Variants in LRPPRC observed in about 807,000 individuals in gnomAD.
LRPPRC encodes the protein leucine-rich PPR motif-containing protein, mitochondrial.
Under a neutral mutation model 180.3 loss-of-function variants are expected in LRPPRC, and 120 were observed. The ratio of observed to expected loss-of-function variants is 0.67; its 90% CI spans 0.57 to 0.77. LRPPRC has a LOEUF of 0.77. Ranked by LOEUF, LRPPRC falls within the 30% of genes least tolerant of loss-of-function variation. The pLI is 0.00. For missense variants in LRPPRC, 2,012 were observed against 1,657.2 expected (o/e 1.21, Z -3.72); for synonymous variants, 723 against 600.0 (o/e 1.21, Z -3.00).
At chr2:43,956,153 C>T (rs1673104860) in intron 14 of LRPPRC, among the ~76,000 whole-genome samples, 1 of 149,246 alleles carries the variant, frequency 6.7e-6, no homozygotes. Flanking sequence ...AAAACAAAAA[C>T]CAGTGTTATT....
At position 43,912,556 on chromosome 2, in the gene LRPPRC, C is replaced by T; in HGVS notation, c.3151G>A (p.Ala1051Thr). The change falls in exon 30 of 38, where the codon GCA (alanine) becomes ACA (threonine). Residue 1051 changes from alanine to threonine, a missense_variant and splice_region_variant. Physicochemically the swap from Ala to Thr is moderately conservative, Grantham distance 58. Coordinates refer to ENST00000260665, the MANE Select transcript of LRPPRC (RefSeq NM_133259.4). ...IACRLNQKKGAYDIFLNAKEQ... is the reference protein window; with the variant it reads ...IACRLNQKKGTYDIFLNAKEQ... ...TTTGCATTCAGGAAAATATCATATG[C>T]CCCTATGAGAGAAAACAGACAAAAA... 1 of 1,608,336 alleles carries T rather than the reference C, an allele frequency of 6.2e-7. No individual in the cohort carries two copies.
At chr2:43,918,531 A>G in intron 27 of LRPPRC, 133 bp from the exon 28 acceptor site, 1 of 742,886 alleles carries the variant, frequency 1.3e-6, no homozygotes, top group Non-Finnish European at 2.3e-6. Context: ...AAAGGAACCA[A>G]AAGTGACCGT....
At chr2:43,927,597 C>A (rs1275280763) in intron 25 of LRPPRC, among the ~76,000 whole-genome samples, 1 of 152,160 alleles carries the variant, frequency 6.6e-6, no homozygotes, top group Admixed American at 6.6e-5. Context: ...ACTAAAAGCC[C>A]TTGAAAAACT....
chr2:43,899,249 G>A lies in LRPPRC; in HGVS notation c.3795C>T (p.Gly1265=), dbSNP rs755185722. ...TDFFLQLVDA[G]KVDDARALLQ... is the part of the protein sequence containing the mutation. ...GGAGAGCTCTGGCATCATCCACCTT[G>A]CCTGCATCCACAAGTTGAAGGAAAA... Residue 1265 remains glycine (G), a synonymous_variant, in exon 34 of 38, where the codon GGC becomes GGT. Coordinates refer to ENST00000260665, the MANE Select transcript of LRPPRC (RefSeq NM_133259.4). The A allele has an allele frequency of 3.1e-6, 5 of 1,613,792 alleles. No homozygotes were observed. Among genetic ancestry groups the A allele is most frequent in the Non-Finnish European group, 4.2e-6 (5 of 1,179,872 alleles).
chr2:43,995,996 A>T (rs562310000), upstream of LRPPRC: 4 of 1,517,792 alleles, frequency 2.6e-6, 1 homozygote, highest in South Asian at 3.6e-5. Context: ...GAAGGACAGG[A>T]GGAGCATGTG....
intron 26 of LRPPRC, among the ~76,000 whole-genome samples, chr2:43,925,491 C>A (rs190039449): frequency 6.6e-6 from 1 of 151,976 alleles, no homozygotes; most frequent in Non-Finnish European, 1.5e-5. Context: ...AAATACTTCC[C>A]CCTCCAAACT....
rs764336993 is a variant in LRPPRC at position 43,948,107 on chromosome 2, C to T, written c.1920+15G>A. 4.7e-6 allele frequency: 7 copies of T among 1,489,308 alleles called. No individual in the cohort carries two copies. Among genetic ancestry groups the T allele is most frequent in the Non-Finnish European group, 5.6e-6 (6 of 1,067,368 alleles). The allele number at this position is 1,489,308 out of a possible 1,614,324, so 92.3% of individuals were successfully genotyped here. Reference sequence around the variant, plus strand: ...GTTAAGCATTTTATCCAGTTGATTGCTATTTCACACACACCTTAATCAATT... The same window carrying T: ...GTTAAGCATTTTATCCAGTTGATTGTTATTTCACACACACCTTAATCAATT... On this transcript the variant is annotated intron_variant, in intron 18 of 37. Coordinates refer to ENST00000260665, the MANE Select transcript of LRPPRC (RefSeq NM_133259.4).
intron 32 of LRPPRC, among the ~76,000 whole-genome samples, chr2:43,900,355 T>C (rs374323955): frequency 3.8e-4 from 58 of 152,272 alleles, no homozygotes; most frequent in African/African-American, 1.1e-3. Context: ...GTCAATATTG[T>C]GTTGAAATTA....
At chr2:43,966,467 A>C (rs1673564366) in intron 11 of LRPPRC, among the ~76,000 whole-genome samples, 1 of 151,518 alleles carries the variant, frequency 6.6e-6, no homozygotes, top group East Asian at 2.0e-4. Context: ...CTGGAGTGCA[A>C]TGGTGCGATC....
intron 25 of LRPPRC, among the ~76,000 whole-genome samples, chr2:43,928,760 T>C (rs963699324): frequency 2.0e-5 from 3 of 151,590 alleles, no homozygotes; most frequent in Admixed American, 2.0e-4. Context: ...TGACCCCATC[T>C]CTTAAAAAAA....
chr2:43,949,822 T>C (rs1195850415), intron 15 of LRPPRC, among the ~76,000 whole-genome samples, 163 bp from the exon 16 acceptor site: 1 of 152,196 alleles, frequency 6.6e-6, no homozygotes, highest in Non-Finnish European at 1.5e-5. Flanking sequence ...ATTGTTTTGT[T>C]TTTAAATAAT....
intron 11 of LRPPRC, 88 bp downstream of exon 11, chr2:43,973,519 C>G (rs1030078827): frequency 2.4e-6 from 2 of 844,708 alleles, no homozygotes; most frequent in East Asian, 2.4e-5. Flanking sequence ...AATAAGTATG[C>G]TTTTCCAAAG....
At chr2:43,948,073 T>G in intron 18 of LRPPRC, 49 bp downstream of exon 18, 1 of 1,197,822 alleles carries the variant, frequency 8.3e-7, no homozygotes, top group Admixed American at 1.7e-5. Context: ...AACATGCTGT[T>G]ATATGTAAGT....
At chr2:43,945,026 C>A (rs1222327979) in intron 22 of LRPPRC, among the ~76,000 whole-genome samples, 1 of 152,076 alleles carries the variant, frequency 6.6e-6, no homozygotes, top group Non-Finnish European at 1.5e-5. Context: ...GCCATTAGTG[C>A]AGGCACATAA....
At chr2:43,936,820 G>A (rs957030900) in intron 23 of LRPPRC, among the ~76,000 whole-genome samples, 19 of 152,182 alleles carry the variant, frequency 1.2e-4, no homozygotes, top group African/African-American at 4.1e-4. Context: ...ACTGCAAGTA[G>A]ATGTTGCAGG....
Position 43,901,531 on chromosome 2 carries a change from T to C in LRPPRC, c.3365-7A>G, listed in dbSNP as rs2104993537. 1 of 1,595,038 alleles carries C rather than the reference T, an allele frequency of 6.3e-7. No individual in the cohort carries two copies. The highest frequency in any genetic ancestry group is 8.6e-7 in the Non-Finnish European group (1 of 1,162,580). On this transcript the variant is annotated splice_polypyrimidine_tract_variant and splice_region_variant and intron_variant, in intron 31 of 37. Coordinates refer to ENST00000260665, the MANE Select transcript of LRPPRC (RefSeq NM_133259.4). ...TTCAGTGTTGTCACAGCCTCTAAAA[T>C]ACAAGAGCAGGAGATGGCTTTTCTT...
At chr2:43,942,923 G>A (rs1672536982) in intron 23 of LRPPRC, among the ~76,000 whole-genome samples, 1 of 151,556 alleles carries the variant, frequency 6.6e-6, no homozygotes. Flanking sequence ...ATTTTTGTTT[G>A]CCTAGGGTTG....
At chr2:43,939,191 G>C (rs996167473) in intron 23 of LRPPRC, among the ~76,000 whole-genome samples, 1 of 151,734 alleles carries the variant, frequency 6.6e-6, no homozygotes, top group Non-Finnish European at 1.5e-5. Context: ...TGAGGCAGGA[G>C]AATGGCATCA....
intron 1 of LRPPRC, among the ~76,000 whole-genome samples, chr2:43,986,338 C>A (rs1674525334): frequency 6.6e-6 from 1 of 152,130 alleles, no homozygotes; most frequent in Admixed American, 6.5e-5. Flanking sequence ...CCATGTTGGC[C>A]AGGCTGGTCT....
Sources: allele counts gnomAD v4.1 joint callset (sites outside exome capture counted in the v4.1 genomes callset), GRCh38; gene constraint gnomAD v4.1.1; transcripts MANE v1.5; gene names NCBI Gene and HGNC (gene_info 2026-07-23, HGNC 2026-07-21).